Variants in NUDT19 observed in about 807,000 individuals in gnomAD.
NUDT19 encodes the protein acyl-coenzyme A diphosphatase NUDT19.
A neutral mutation model predicts 22.2 loss-of-function variants in NUDT19; 31 were observed. The observed-to-expected ratio is 1.40, with a 90% CI of 1.05 to 1.89. The LOEUF (loss-of-function observed/expected upper bound fraction) is 1.89, where lower values mean the gene tolerates loss of function less well. NUDT19 is among the 40% of genes most tolerant of loss of function. The pLI is 0.00. For missense variants in NUDT19, 752 were observed against 514.2 expected, an observed-to-expected ratio of 1.46 and a Z score of -4.47; for synonymous variants, 325 against 230.8, an observed-to-expected ratio of 1.41 and a Z score of -3.70.
At chr19:32,710,522 G>A (rs1449566865) in intron 2 of NUDT19, among the ~76,000 whole-genome samples, 2 of 151,496 alleles carry the variant, frequency 1.3e-5, no homozygotes, top group Admixed American at 6.6e-5. Flanking sequence ...AACCCAGGAG[G>A]TAGAGGTTGC....
chr19:32,701,617 G>T (rs1968337045), intron 1 of NUDT19, among the ~76,000 whole-genome samples: 2 of 152,130 alleles, frequency 1.3e-5, no homozygotes, highest in South Asian at 4.1e-4. Context: ...ATCAGATTTG[G>T]CTTCATGTAT....
At chr19:32,700,711 A>G (rs972119911) in intron 1 of NUDT19, among the ~76,000 whole-genome samples, 12 of 152,168 alleles carry the variant, frequency 7.9e-5, no homozygotes, top group African/African-American at 2.9e-4. Flanking sequence ...GATTATTGGC[A>G]TAAGCTACTG....
intron 1 of NUDT19, among the ~76,000 whole-genome samples, chr19:32,699,160 AAAG>A (rs1192562088): frequency 6.6e-6 from 1 of 152,144 alleles, no homozygotes; most frequent in East Asian, 1.9e-4. Flanking sequence ...CCGGGTGTCT[AAAG>A]AAGGTAACAG....
chr19:32,711,906 G>A lies in NUDT19; in HGVS notation c.1077G>A (p.Lys359=), dbSNP rs1968451765. The A allele has an allele frequency of 6.2e-7, 1 of 1,613,916 alleles. No individual in the cohort carries two copies. The highest frequency in any genetic ancestry group is 1.3e-5 in the African/African-American group (1 of 74,912). Residue 359 remains lysine, a synonymous_variant, in exon 3 of 3, where the codon AAG becomes AAA. Transcript: ENST00000397061. The stretch of plus-strand genomic sequence containing the variant: ...ATATCCACGTGACTGTTCAGCCAAA[G>A]TATAAACACGTTTATCCTAAGAACT... ...LYDIHVTVQP[K]YKHVYPKNSV...
In NUDT19 at chr19:32,711,904, A is replaced by C; in HGVS notation, c.1075A>C (p.Lys359Gln). The C allele has an allele frequency of 6.2e-7, 1 of 1,614,032 alleles. No individual in the cohort carries two copies. The highest frequency in any genetic ancestry group is 8.5e-7 in the Non-Finnish European group (1 of 1,179,970). The change falls in exon 3 of 3, where the codon AAG becomes CAG. Residue 359 changes from lysine to glutamine, a missense_variant. Coordinates refer to ENST00000397061, the MANE Select transcript of NUDT19 (RefSeq NM_001105570.2). ...TGATATCCACGTGACTGTTCAGCCA[A>C]AGTATAAACACGTTTATCCTAAGAA... ...LYDIHVTVQP[K>Q]YKHVYPKNSV...
intron 1 of NUDT19, among the ~76,000 whole-genome samples, chr19:32,706,623 C>T (rs566692893): frequency 1.3e-5 from 2 of 152,244 alleles, no homozygotes; most frequent in East Asian, 3.9e-4. Flanking sequence ...GTGGAGTTTG[C>T]AGTGAGCAGA....
chr19:32,697,066 T>TA (rs934645517), intron 1 of NUDT19, among the ~76,000 whole-genome samples: 4 of 152,252 alleles, frequency 2.6e-5, no homozygotes, highest in South Asian at 2.1e-4. Context: ...ATCTTTTTTT[T>TA]AAAAAGTGTC....
chr19:32,696,297 T>C (rs1787349061), intron 1 of NUDT19, among the ~76,000 whole-genome samples: 1 of 152,186 alleles, frequency 6.6e-6, no homozygotes, highest in African/African-American at 2.4e-5. Context: ...ATCCTTTCCT[T>C]GTATTATTTT....
chr19:32,692,715 TGA>T (rs776745475), intron 1 of NUDT19, 41 bp downstream of exon 1: 8 of 1,395,430 alleles, frequency 5.7e-6, no homozygotes, highest in Non-Finnish European at 5.6e-6. Flanking sequence ...CGCCAGGACG[TGA>T]GAGGGAGGAC....
intron 1 of NUDT19, among the ~76,000 whole-genome samples, chr19:32,699,973 TC>T (rs1197685992): frequency 6.6e-6 from 1 of 152,072 alleles, no homozygotes; most frequent in Admixed American, 6.6e-5. Context: ...AGTTGTTTGT[TC>T]CTCCTGGTGC....
chr19:32,696,816 A>G (rs1483574082), intron 1 of NUDT19, among the ~76,000 whole-genome samples: 2 of 152,192 alleles, frequency 1.3e-5, no homozygotes, highest in Non-Finnish European at 2.9e-5. Flanking sequence ...ACACTGAGAA[A>G]GCCACGCCAG....
At chr19:32,711,418 G>A (rs557200794) in intron 2 of NUDT19, among the ~76,000 whole-genome samples, 33 of 152,164 alleles carry the variant, frequency 2.2e-4, no homozygotes, top group South Asian at 1.0e-3. Context: ...AGCCGAGATC[G>A]CGCCACTGCA....
At position 32,691,878 on chromosome 19, in the gene NUDT19, G is replaced by A. The variant is rs1050046780; in HGVS notation, c.-83G>A. 2.0e-5 allele frequency: 15 copies of A among 748,952 alleles called. No homozygotes were observed. The East Asian group carries it at 5.5e-4, about 27-fold the overall frequency. 46.4% of individuals were successfully genotyped at this position (748,952 alleles called of 1,614,324 possible). Reference sequence around the variant, plus strand: ...GTCCTCAATTCCCGCGAGGCCCCCGGAGGTGCTGGGGTCCCTGCAGGGCCG... The same window carrying A: ...GTCCTCAATTCCCGCGAGGCCCCCGAAGGTGCTGGGGTCCCTGCAGGGCCG... On this transcript the variant is annotated 5_prime_UTR_variant, in exon 1 of 3. Coordinates refer to ENST00000397061, the MANE Select transcript of NUDT19 (RefSeq NM_001105570.2).
In NUDT19 at chr19:32,692,411, GCAC is replaced by G; in HGVS notation, c.453_455del (p.Pro152del). The G allele has an allele frequency of 1.3e-6, 2 of 1,564,944 alleles. No homozygotes were observed. ...GCCCAGGACTTCCCCACCAGGCCCAGCACCCGGGCCTGGCCTCGCCCTGGAGCC... is the reference window on the plus strand; with the variant it reads ...GCCCAGGACTTCCCCACCAGGCCCAGCCGGGCCTGGCCTCGCCCTGGAGCC... On this transcript the variant is annotated inframe_deletion, in exon 1 of 3. Transcript: ENST00000397061.
intron 1 of NUDT19, among the ~76,000 whole-genome samples, chr19:32,708,606 C>G (rs1353316435): frequency 6.6e-6 from 1 of 152,166 alleles, no homozygotes; most frequent in Non-Finnish European, 1.5e-5. Flanking sequence ...ACTCTCTTGA[C>G]TGTAGGCTGA....
chr19:32,692,384 C>A lies in NUDT19; in HGVS notation c.424C>A (p.Arg142=), dbSNP rs367850774. Residue 142 remains arginine (R), a synonymous_variant, in exon 1 of 3, where the codon CGG becomes AGG. Coordinates refer to ENST00000397061, the MANE Select transcript of NUDT19 (RefSeq NM_001105570.2). ...AFEEAGVLLL[R]PRTSPPGPAP... ...TGAGGAGGCGGGCGTGCTGCTGCTGCGGCCCAGGACTTCCCCACCAGGCCC... is the reference window on the plus strand; with the variant it reads ...TGAGGAGGCGGGCGTGCTGCTGCTGAGGCCCAGGACTTCCCCACCAGGCCC... 6.3e-7 allele frequency: 1 copy of A among 1,583,578 alleles called. No individual in the cohort carries two copies. Among genetic ancestry groups the A allele is most frequent in the Non-Finnish European group, 8.5e-7 (1 of 1,172,872 alleles).
At chr19:32,706,550 G>C (rs1229060249) in intron 1 of NUDT19, among the ~76,000 whole-genome samples, 2 of 152,076 alleles carry the variant, frequency 1.3e-5, no homozygotes, top group African/African-American at 4.8e-5. Flanking sequence ...AGGTGTAGTG[G>C]CAAATGCCTG....
At chr19:32,709,824 AT>A (rs35764392) in intron 2 of NUDT19, among the ~76,000 whole-genome samples, 1,685 of 147,984 alleles carry the variant, frequency 0.011, 39 homozygotes, top group African/African-American at 0.039. Context: ...TAATCTTTGT[AT>A]TTTTTTTTTA....
At chr19:32,699,760 G>GT (rs1348105393) in intron 1 of NUDT19, among the ~76,000 whole-genome samples, 1 of 152,182 alleles carries the variant, frequency 6.6e-6, no homozygotes, top group African/African-American at 2.4e-5. Context: ...TGGGTTCTTG[G>GT]TTTCGCTGAC....
Sources: gnomAD v4.1 joint callset for allele counts (sites outside exome capture counted in the v4.1 genomes callset) on GRCh38, gnomAD v4.1.1 for gene constraint, MANE v1.5 for transcripts, NCBI Gene and HGNC (gene_info 2026-07-23, HGNC 2026-07-21) for gene names.